Variants in FBXO36 observed in about 807,000 individuals in gnomAD.
The protein encoded by FBXO36 is F-box only protein 36.
Under a neutral mutation model 17.0 loss-of-function variants are expected in FBXO36, and 18 were observed. The observed-to-expected ratio is 1.06, with a 90% CI of 0.73 to 1.57. The LOEUF is 1.57. Ranked by LOEUF, FBXO36 falls within the 40% of genes most tolerant of loss-of-function variation. The pLI is 0.00. For missense variants in FBXO36, 229 were observed against 221.9 expected, an observed-to-expected ratio of 1.03 and a Z score of -0.20; for synonymous variants, 83 against 85.3, an observed-to-expected ratio of 0.97 and a Z score of 0.15.
At chr2:229,976,772 T>G (rs2077211011) in intron 2 of FBXO36, 1 of 155,714 alleles carries the variant, frequency 6.4e-6, no homozygotes, top group Non-Finnish European at 1.4e-5. Flanking sequence ...TGAGCTGAGA[T>G]CAGACCATTG....
chr2:229,929,944 C>A (rs192909398), intron 1 of FBXO36, among the ~76,000 whole-genome samples: 1 of 152,212 alleles, frequency 6.6e-6, no homozygotes, highest in Non-Finnish European at 1.5e-5. Context: ...AATGTTTCCA[C>A]ACAGAAAGAA....
At chr2:229,949,830 C>T (rs2077047846) in intron 1 of FBXO36, among the ~76,000 whole-genome samples, 1 of 152,122 alleles carries the variant, frequency 6.6e-6, no homozygotes. Context: ...GAGGCTGAGG[C>T]AGGAGAATGG....
chr2:229,942,237 T>C (rs1577331828), intron 1 of FBXO36, among the ~76,000 whole-genome samples: 1 of 151,926 alleles, frequency 6.6e-6, no homozygotes, highest in East Asian at 1.9e-4. Flanking sequence ...GCAGCGTCCT[T>C]CCCCCACGCA....
intron 1 of FBXO36, among the ~76,000 whole-genome samples, chr2:229,964,925 G>A (rs1312545976): frequency 2.6e-5 from 4 of 152,132 alleles, no homozygotes; most frequent in East Asian, 1.9e-4. Context: ...TTGGAGCTAC[G>A]ATGAACTAAG....
At chr2:229,933,512 T>C (rs2076949567) in intron 1 of FBXO36, among the ~76,000 whole-genome samples, 1 of 152,158 alleles carries the variant, frequency 6.6e-6, no homozygotes. Context: ...ACTTCACAAA[T>C]ATAGTGAGAA....
At chr2:229,980,322 A>G (rs759582075) in intron 2 of FBXO36, among the ~76,000 whole-genome samples, 5 of 146,212 alleles carry the variant, frequency 3.4e-5, no homozygotes, top group Non-Finnish European at 7.8e-5. Flanking sequence ...CGGCCTCCCA[A>G]AGTGCCGGGG....
chr2:229,950,712 G>GA (rs1199402472), intron 1 of FBXO36, among the ~76,000 whole-genome samples: 2 of 149,996 alleles, frequency 1.3e-5, no homozygotes, highest in African/African-American at 4.9e-5. Context: ...GAACAATAGG[G>GA]AAAAAAATCA....
intron 1 of FBXO36, among the ~76,000 whole-genome samples, chr2:229,974,888 T>A (rs2077199366): frequency 1.3e-5 from 2 of 152,186 alleles, no homozygotes; most frequent in African/African-American, 4.8e-5. Context: ...ATTCTAATGT[T>A]GAAGCTGTAG....
At chr2:229,930,479 G>A (rs986310249) in intron 1 of FBXO36, among the ~76,000 whole-genome samples, 3 of 152,000 alleles carry the variant, frequency 2.0e-5, no homozygotes, top group African/African-American at 4.8e-5. Flanking sequence ...GGCTGGGCAC[G>A]GTGACTCACG....
chr2:229,999,633 C>T (rs1190231558), intron 3 of FBXO36, among the ~76,000 whole-genome samples: 1 of 151,706 alleles, frequency 6.6e-6, no homozygotes, highest in African/African-American at 2.4e-5. Context: ...CCACCTCAGC[C>T]TCCCAAAGTG....
intron 1 of FBXO36, among the ~76,000 whole-genome samples, chr2:229,927,371 T>TA (rs1379758450): frequency 6.6e-6 from 1 of 152,174 alleles, no homozygotes; most frequent in African/African-American, 2.4e-5. Flanking sequence ...TCTATGAGTT[T>TA]AGAAGAAGCA....
chr2:229,988,845 T>G (rs201434133), intron 2 of FBXO36, among the ~76,000 whole-genome samples: 13 of 125,980 alleles, frequency 1.0e-4, no homozygotes, highest in African/African-American at 4.0e-4. Context: ...TTTTTTTTTG[T>G]TTTTTTTTTT....
At chr2:229,927,990 G>T (rs930266216) in intron 1 of FBXO36, among the ~76,000 whole-genome samples, 2 of 152,118 alleles carry the variant, frequency 1.3e-5, no homozygotes, top group Non-Finnish European at 2.9e-5. Context: ...CAATTTTGAA[G>T]ATTTAAAATG....
chr2:229,957,364 G>T (rs1430979235), intron 1 of FBXO36, among the ~76,000 whole-genome samples: 4 of 152,152 alleles, frequency 2.6e-5, no homozygotes, highest in Non-Finnish European at 5.9e-5. Flanking sequence ...ATAGCCTGAG[G>T]TCGGTAGTTT....
At chr2:230,009,445 A>G (rs2077403383) in intron 3 of FBXO36, among the ~76,000 whole-genome samples, 1 of 152,196 alleles carries the variant, frequency 6.6e-6, no homozygotes, top group East Asian at 1.9e-4. Flanking sequence ...CTGCAAGGAC[A>G]TGGTTTCATT....
At chr2:229,931,813 T>A (rs1249980984) in intron 1 of FBXO36, among the ~76,000 whole-genome samples, 4 of 152,158 alleles carry the variant, frequency 2.6e-5, no homozygotes, top group African/African-American at 9.7e-5. Context: ...CACTCTGGCC[T>A]GGGCGACAGA....
At chr2:229,993,402 G>A (rs779378783) in intron 2 of FBXO36, among the ~76,000 whole-genome samples, 8 of 152,180 alleles carry the variant, frequency 5.3e-5, no homozygotes, top group Non-Finnish European at 7.3e-5. Flanking sequence ...GAAGAGCAAA[G>A]CAGAAGCCTT....
intron 1 of FBXO36, among the ~76,000 whole-genome samples, chr2:229,965,418 A>G (rs1429282451): frequency 6.6e-6 from 1 of 150,988 alleles, no homozygotes; most frequent in Non-Finnish European, 1.5e-5. Flanking sequence ...GTACATGTGT[A>G]CAACATGCAG....
chr2:229,964,279 C>A (rs753067583), intron 1 of FBXO36, among the ~76,000 whole-genome samples: 1 of 152,084 alleles, frequency 6.6e-6, no homozygotes, highest in East Asian at 1.9e-4. Context: ...AAATGTATAA[C>A]CGCCATCATT....
Sources: gnomAD v4.1 joint callset for allele counts (sites outside exome capture counted in the v4.1 genomes callset) on GRCh38, gnomAD v4.1.1 for gene constraint, MANE v1.5 for transcripts, NCBI Gene and HGNC (gene_info 2026-07-23, HGNC 2026-07-21) for gene names.